Variants in CDC26 observed in about 807,000 individuals in gnomAD.
CDC26 encodes the protein cell division cycle 26, also known as anaphase-promoting complex subunit CDC26.
CDC26 carries 2 observed loss-of-function variants against 8.0 expected under a neutral mutation model. The ratio of observed to expected loss-of-function variants is 0.25; its 90% CI spans 0.10 to 0.79. The LOEUF is 0.79. Ranked by LOEUF, CDC26 falls within the 30% of genes least tolerant of loss-of-function variation. CDC26 has a pLI of 0.70. For missense variants in CDC26, 68 were observed against 106.0 expected (o/e 0.64, Z 1.57); for synonymous variants, 19 against 34.9 (o/e 0.55, Z 1.60).
In CDC26 at chr9:113,267,359, G is replaced by C; in HGVS notation, c.162C>G (p.Pro54=). ...CATTGATCATTTGTTCCCGGCTCTT[G>C]GGATCACTGCTAAGCCCAATGGCTC... is the stretch of plus-strand genomic sequence containing the variant. ...GEGAIGLSSD[P]KSREQMINDR... Residue 54 remains proline, a synonymous_variant, in exon 4 of 4, where the codon CCC becomes CCG. Coordinates refer to ENST00000374206, the MANE Select transcript of CDC26 (RefSeq NM_139286.4). The C allele has an allele frequency of 6.2e-7, 1 of 1,600,406 alleles. No individual in the cohort carries two copies. Among genetic ancestry groups the C allele is most frequent in the Non-Finnish European group, 8.5e-7 (1 of 1,174,718 alleles).
At chr9:113,268,116 CAA>C (rs541836593) in intron 3 of CDC26, among the ~76,000 whole-genome samples, 10 of 152,212 alleles carry the variant, frequency 6.6e-5, no homozygotes, top group Admixed American at 3.3e-4. Flanking sequence ...GCCAAAGAGA[CAA>C]GAGGTAAGGA....
Position 113,273,455 on chromosome 9 carries a change from G to A in CDC26, c.-151-17C>T, listed in dbSNP as rs1455105550. 1 of 152,236 alleles carries A rather than the reference G, an allele frequency of 6.6e-6. No individual in the cohort carries two copies. The highest frequency in any genetic ancestry group is 1.5e-5 in the Non-Finnish European group (1 of 68,064). 9.4% of individuals were successfully genotyped at this position (152,236 alleles called of 1,614,324 possible). A position where few individuals can be genotyped will look rare whatever the true frequency, so the allele number is the denominator to read the frequency against. On this transcript the variant is annotated splice_polypyrimidine_tract_variant and intron_variant, in intron 1 of 3. Coordinates refer to ENST00000374206, the MANE Select transcript of CDC26 (RefSeq NM_139286.4). ...AGTCATAATCTGTGGGGAAAACAAA[G>A]AGAAAACTGTGATATCATGTAATGA...
chr9:113,274,378 C>A (rs140451096), intron 1 of CDC26, among the ~76,000 whole-genome samples: 4 of 152,164 alleles, frequency 2.6e-5, no homozygotes, highest in Admixed American at 6.5e-5. Context: ...TAGGATACTA[C>A]AGGTGATATT....
intron 3 of CDC26, among the ~76,000 whole-genome samples, chr9:113,269,272 C>T (rs1272810893): frequency 6.6e-6 from 1 of 152,032 alleles, no homozygotes; most frequent in Admixed American, 6.6e-5. Context: ...CAAAGTATTA[C>T]AGGGAATAAA....
intron 3 of CDC26, among the ~76,000 whole-genome samples, chr9:113,268,481 G>T (rs1215515913): frequency 1.3e-5 from 2 of 152,176 alleles, no homozygotes; most frequent in East Asian, 3.8e-4. Context: ...CTGACTGTAA[G>T]GATAACAGAT....
rs1247502456 is a variant in CDC26, at chr9:113,270,306, T to C, written c.81+2121A>G. Among the ~76,000 whole-genome samples, 3 of 152,236 alleles carry C rather than the reference T, an allele frequency of 2.0e-5. No individual in the cohort carries two copies. The East Asian group carries it at 5.8e-4, about 29-fold the overall frequency. On this transcript the variant is annotated intron_variant, in intron 3 of 3. Coordinates refer to ENST00000374206, the MANE Select transcript of CDC26 (RefSeq NM_139286.4). The stretch of plus-strand genomic sequence containing the variant: ...ATGCTAGGGAATTTGGAATTTATTC[T>C]GTAGACCACTGAAGAATTTAAGTCT...
intron 3 of CDC26, 50 bp downstream of exon 3, chr9:113,272,377 T>C (rs751085994): frequency 2.3e-5 from 32 of 1,387,330 alleles, no homozygotes; most frequent in Non-Finnish European, 3.2e-5. Flanking sequence ...CTCCAGCCTG[T>C]GTGACAGAGC....
chr9:113,273,072 C>CT (rs1831985359), intron 2 of CDC26, among the ~76,000 whole-genome samples: 1 of 152,178 alleles, frequency 6.6e-6, no homozygotes, highest in African/African-American at 2.4e-5. Context: ...ATCAAAAACT[C>CT]TTTCTGTAAG....
rs757688074 is a variant in CDC26 at position 113,275,480 on chromosome 9, G to C, written c.-250C>G. 2.6e-4 allele frequency: 127 copies of C among 480,936 alleles called. No homozygotes were observed. In the East Asian group the frequency reaches 4.5e-3, roughly 17 times the overall value. 29.8% of individuals were successfully genotyped at this position (480,936 alleles called of 1,614,324 possible). A position where few individuals can be genotyped will look rare whatever the true frequency, so the allele number is the denominator to read the frequency against. On this transcript the variant is annotated 5_prime_UTR_variant, in exon 1 of 4. Transcript: ENST00000374206. Reference sequence around the variant, plus strand: ...GACTACACTTCCCAGACTGCTTGGAGCCTCTCTCTCCGCAGAACCTCGTCT... The same window carrying C: ...GACTACACTTCCCAGACTGCTTGGACCCTCTCTCTCCGCAGAACCTCGTCT...
Position 113,267,285 on chromosome 9 carries a change from T to G in CDC26, c.236A>C (p.Gln79Pro). ...PQPKPNNRSS[Q>P]FGSLEF Reference sequence around the variant, plus strand: ...TCTCTAAAATTCAAGACTTCCAAATTGAGATGAACGATTATTGGGCTTGGG... The same window carrying G: ...TCTCTAAAATTCAAGACTTCCAAATGGAGATGAACGATTATTGGGCTTGGG... Residue 79 changes from glutamine (Q) to proline (P), a missense_variant, in exon 4 of 4, where the codon CAA (glutamine) becomes CCA (proline). By Grantham distance (76) the Gln-to-Pro change is moderately conservative. Transcript: ENST00000374206. 1.3e-6 allele frequency: 2 copies of G among 1,533,180 alleles called. No individual in the cohort carries two copies. Among genetic ancestry groups the G allele is most frequent in the Non-Finnish European group, 8.8e-7 (1 of 1,137,768 alleles). The allele number at this position is 1,533,180 out of a possible 1,614,324, so 95.0% of individuals were successfully genotyped here.
In CDC26 at chr9:113,270,868, G is replaced by A. The variant is rs925891910; in HGVS notation, c.81+1559C>T. 2.0e-5 allele frequency among the ~76,000 whole-genome samples: 3 copies of A among 152,320 alleles called. No individual in the cohort carries two copies. In the East Asian group the frequency reaches 5.8e-4, roughly 29 times the overall value. ...GTTATAAGTGCAGAAAACTACTGAG[G>A]AGTTTTAAACGGGAATGACAGGATT... On this transcript the variant is annotated intron_variant, in intron 3 of 3. Transcript: ENST00000374206.
chr9:113,271,985 C>A (rs548520328), intron 3 of CDC26, among the ~76,000 whole-genome samples: 160 of 152,272 alleles, frequency 1.1e-3, no homozygotes, highest in African/African-American at 3.5e-3. Context: ...CATGCGCCAC[C>A]CTGCCCAACA....
intron 3 of CDC26, 131 bp from the exon 4 acceptor site, chr9:113,267,570 C>G (rs1188193388): frequency 6.5e-6 from 8 of 1,236,806 alleles, no homozygotes; most frequent in Non-Finnish European, 7.9e-6. Context: ...AAACTGAAAT[C>G]CTAGGTTTGG....
rs1391456952 is a variant in CDC26, at chr9:113,272,434, T to G, written c.74A>C (p.Asp25Ala). Residue 25 changes from aspartate (D) to alanine (A), a missense_variant, in exon 3 of 4, where the codon GAC (aspartate) becomes GCC (alanine). Asp to Ala is a moderately radical substitution (Grantham distance 126). Transcript: ENST00000374206. ...ACAAAGTTGTATTCATACCTCCAGG[T>G]CCTTTCGAATGTTCTCAAACTCTTC... The part of the protein sequence containing the change: ...DIEEFENIRK[D>A]LETRKKQKED... 2 of 1,610,264 alleles carry G rather than the reference T, an allele frequency of 1.2e-6. No individual in the cohort carries two copies. Among genetic ancestry groups the G allele is most frequent in the Non-Finnish European group, 1.7e-6 (2 of 1,177,976 alleles).
At chr9:113,268,454 C>T (rs1001962837) in intron 3 of CDC26, among the ~76,000 whole-genome samples, 1 of 152,174 alleles carries the variant, frequency 6.6e-6, no homozygotes. Flanking sequence ...AGACACTTAT[C>T]CCATAACAGC....
chr9:113,268,784 CTCTG>C (rs1831905726), intron 3 of CDC26, among the ~76,000 whole-genome samples: 3 of 152,094 alleles, frequency 2.0e-5, no homozygotes, highest in African/African-American at 4.8e-5. Context: ...TAGACTGAGT[CTCTG>C]TCTGTTGCCA....
chr9:113,271,448 C>A (rs940116994), intron 3 of CDC26, among the ~76,000 whole-genome samples: 11 of 151,980 alleles, frequency 7.2e-5, no homozygotes, highest in African/African-American at 9.7e-5. Context: ...AAGAAGGAGG[C>A]AGAGGAAGTT....
chr9:113,270,422 G>A (rs1305636275), intron 3 of CDC26, among the ~76,000 whole-genome samples: 1 of 152,134 alleles, frequency 6.6e-6, no homozygotes, highest in Non-Finnish European at 1.5e-5. Context: ...GAACTCAATG[G>A]TGAAGCAAAC....
intron 1 of CDC26, among the ~76,000 whole-genome samples, chr9:113,273,821 C>CAAAAAAA (rs149642304): frequency 2.3e-4 from 12 of 53,264 alleles, no homozygotes; most frequent in East Asian, 1.5e-3. Context: ...GACCCCAACT[C>CAAAAAAA]AAAAAAAAAA....
Sources: allele counts gnomAD v4.1 joint callset (sites outside exome capture counted in the v4.1 genomes callset), GRCh38; gene constraint gnomAD v4.1.1; transcripts MANE v1.5; gene names NCBI Gene and HGNC (gene_info 2026-07-23, HGNC 2026-07-21).